TMEM163: variants seen among roughly 807,000 people sequenced by gnomAD.
TMEM163 encodes the protein transmembrane protein 163.
In TMEM163, 17 loss-of-function variants were observed where a neutral mutation model predicts 29.3. The observed-to-expected ratio is 0.58, with a 90% CI of 0.40 to 0.87. The LOEUF is 0.87. Among genes scored for constraint, TMEM163 ranks in the 40% least tolerant of loss-of-function variants. TMEM163 has a pLI of 0.00. For missense variants in TMEM163, 303 were observed against 381.5 expected, an observed-to-expected ratio of 0.79 and a Z score of 1.71; for synonymous variants, 157 against 160.6, an observed-to-expected ratio of 0.98 and a Z score of 0.17.
intron 2 of TMEM163, among the ~76,000 whole-genome samples, chr2:134,586,472 C>T (rs771848122): frequency 1.3e-5 from 2 of 152,176 alleles, no homozygotes; most frequent in Non-Finnish European, 1.5e-5. Flanking sequence ...TCTTTGCGTG[C>T]GTATCTGTGT....
intron 5 of TMEM163, among the ~76,000 whole-genome samples, chr2:134,496,657 G>C (rs1022959658): frequency 6.6e-6 from 1 of 152,190 alleles, no homozygotes; most frequent in South Asian, 2.1e-4. Flanking sequence ...GAAGCTGCTT[G>C]GTTCTAGTGA....
At chr2:134,590,872 C>T (rs1219929149) in intron 2 of TMEM163, among the ~76,000 whole-genome samples, 3 of 152,162 alleles carry the variant, frequency 2.0e-5, no homozygotes, top group Non-Finnish European at 2.9e-5. Context: ...AAAAGAACAG[C>T]CTGCAGGCAC....
intron 2 of TMEM163, among the ~76,000 whole-genome samples, chr2:134,692,915 C>T (rs1432620049): frequency 6.6e-6 from 1 of 152,194 alleles, no homozygotes; most frequent in Non-Finnish European, 1.5e-5. Flanking sequence ...CACCACATTG[C>T]CTCAGTCATT....
intron 4 of TMEM163, among the ~76,000 whole-genome samples, chr2:134,542,858 T>C (rs550818372): frequency 7.9e-5 from 12 of 152,302 alleles, no homozygotes; most frequent in African/African-American, 2.9e-4. Flanking sequence ...GCTGCAATCT[T>C]TGGCATTCTT....
chr2:134,565,064 C>G (rs1681267963), intron 2 of TMEM163, among the ~76,000 whole-genome samples: 1 of 151,616 alleles, frequency 6.6e-6, no homozygotes, highest in South Asian at 2.1e-4. Context: ...ATAGTGAAAC[C>G]TGATCTCTAC....
At chr2:134,636,773 T>A (rs1201084698) in intron 2 of TMEM163, among the ~76,000 whole-genome samples, 1 of 152,228 alleles carries the variant, frequency 6.6e-6, no homozygotes, top group African/African-American at 2.4e-5. Context: ...ATTACTATTA[T>A]AAAACCTAAG....
chr2:134,672,414 CT>C (rs1684014794), intron 2 of TMEM163, among the ~76,000 whole-genome samples: 2 of 152,178 alleles, frequency 1.3e-5, no homozygotes, highest in South Asian at 4.1e-4. Flanking sequence ...CAACACGTGC[CT>C]ATGTGAGCTC....
At chr2:134,608,721 G>T (rs1269963448) in intron 2 of TMEM163, among the ~76,000 whole-genome samples, 28 of 91,326 alleles carry the variant, frequency 3.1e-4, no homozygotes, top group Admixed American at 5.9e-4. Context: ...GACAGACCCC[G>T]AGAACTGTGC....
At chr2:134,529,564 C>A (rs34824072) in intron 4 of TMEM163, among the ~76,000 whole-genome samples, 3 of 151,460 alleles carry the variant, frequency 2.0e-5, no homozygotes, top group African/African-American at 7.3e-5. Flanking sequence ...GCCTGGCCAA[C>A]ATGGAGAAAC....
At chr2:134,506,681 T>A (rs886982237) in intron 4 of TMEM163, among the ~76,000 whole-genome samples, 2 of 152,200 alleles carry the variant, frequency 1.3e-5, no homozygotes, top group Non-Finnish European at 2.9e-5. Context: ...GGCAGCCACA[T>A]CACGTGCTCA....
At chr2:134,687,824 T>A (rs983464186) in intron 2 of TMEM163, among the ~76,000 whole-genome samples, 1 of 152,144 alleles carries the variant, frequency 6.6e-6, no homozygotes, top group African/African-American at 2.4e-5. Flanking sequence ...TGGGATGACA[T>A]AAAAGTATCA....
chr2:134,504,002 C>T (rs1679760787), intron 4 of TMEM163, among the ~76,000 whole-genome samples: 1 of 152,170 alleles, frequency 6.6e-6, no homozygotes, highest in African/African-American at 2.4e-5. Context: ...TGAGATCATT[C>T]CTGTCCCAGC....
intron 2 of TMEM163, among the ~76,000 whole-genome samples, chr2:134,593,837 T>A (rs1262052514): frequency 6.6e-6 from 1 of 151,162 alleles, no homozygotes; most frequent in East Asian, 1.9e-4. Flanking sequence ...CATGCAGAAG[T>A]TTAACTCAGT....
At chr2:134,464,208 C>T (rs1000721665) in intron 6 of TMEM163, among the ~76,000 whole-genome samples, 7 of 152,180 alleles carry the variant, frequency 4.6e-5, no homozygotes, top group Non-Finnish European at 7.3e-5. Flanking sequence ...AGCTGCTGGT[C>T]ACATGGCATG....
intron 2 of TMEM163, among the ~76,000 whole-genome samples, chr2:134,704,642 C>T (rs2104894537): frequency 6.6e-6 from 1 of 152,242 alleles, no homozygotes; most frequent in East Asian, 1.9e-4. Flanking sequence ...AGGGTATCGA[C>T]CTACGAAAAT....
chr2:134,585,720 C>A (rs842353), intron 2 of TMEM163, among the ~76,000 whole-genome samples: 87,381 of 150,206 alleles, frequency 0.58, 27,263 homozygotes, highest in East Asian at 0.98. Context: ...CCAGCCTGGG[C>A]GACAGAGCGA....
intron 2 of TMEM163, among the ~76,000 whole-genome samples, chr2:134,590,539 T>C (rs976868823): frequency 2.6e-5 from 4 of 152,326 alleles, no homozygotes; most frequent in African/African-American, 9.6e-5. Flanking sequence ...GAGAGGGTTC[T>C]TGGATCTTGT....
intron 2 of TMEM163, among the ~76,000 whole-genome samples, chr2:134,680,129 C>A (rs373323496): frequency 6.6e-6 from 1 of 152,128 alleles, no homozygotes; most frequent in East Asian, 1.9e-4. Context: ...TGTTCAGAAG[C>A]CTGTTAACTA....
chr2:134,596,840 G>A (rs1200587069), intron 2 of TMEM163, among the ~76,000 whole-genome samples: 1 of 152,182 alleles, frequency 6.6e-6, no homozygotes, highest in Non-Finnish European at 1.5e-5. Flanking sequence ...TCCCTTGTAA[G>A]TTGGATTCCT....
Sources: allele counts gnomAD v4.1 joint callset (sites outside exome capture counted in the v4.1 genomes callset), GRCh38; gene constraint gnomAD v4.1.1; transcripts MANE v1.5; gene names NCBI Gene and HGNC (gene_info 2026-07-23, HGNC 2026-07-21).